Variants in UBR1 observed in about 807,000 individuals in gnomAD.
UBR1 encodes the protein E3 ubiquitin-protein ligase UBR1.
UBR1 carries 102 observed loss-of-function variants against 242.1 expected under a neutral mutation model. That is an observed-to-expected ratio of 0.42 (90% CI 0.36 to 0.50). UBR1 has a LOEUF of 0.50. UBR1 is among the 20% of genes least tolerant of loss of function. UBR1 has a pLI of 0.01. For missense variants in UBR1, 1,772 were observed against 2,101.8 expected, an observed-to-expected ratio of 0.84 and a Z score of 3.07; for synonymous variants, 675 against 684.8, an observed-to-expected ratio of 0.99 and a Z score of 0.22.
At chr15:43,089,267 C>T (rs915578821) in intron 1 of UBR1, among the ~76,000 whole-genome samples, 2 of 151,980 alleles carry the variant, frequency 1.3e-5, no homozygotes, top group African/African-American at 2.4e-5. Flanking sequence ...CCGAGAAGGG[C>T]GGATTACGAG....
chr15:43,040,604 C>T (rs763915983), intron 15 of UBR1, among the ~76,000 whole-genome samples: 7 of 152,020 alleles, frequency 4.6e-5, no homozygotes, highest in Non-Finnish European at 7.4e-5. Context: ...CAAATGGGAT[C>T]CAATTAAAGA....
intron 15 of UBR1, 96 bp from the exon 16 acceptor site, chr15:43,038,328 G>A: frequency 8.0e-7 from 1 of 1,257,200 alleles, no homozygotes; most frequent in East Asian, 2.4e-5. Context: ...ATTTGATTTG[G>A]CTGGGCGCGG....
In UBR1 at chr15:42,998,176, T is replaced by C. The variant is rs1205633763; in HGVS notation, c.3749A>G (p.His1250Arg). 3 of 1,613,162 alleles carry C rather than the reference T, an allele frequency of 1.9e-6. No homozygotes were observed. Among genetic ancestry groups the C allele is most frequent in the East Asian group, 2.2e-5 (1 of 44,854 alleles). The change falls in exon 33 of 47, where the codon CAT (histidine) becomes CGT (arginine). Residue 1250 changes from histidine to arginine, a missense_variant. By Grantham distance (29) the His-to-Arg change is conservative. Around this residue, in one of 3 missense-constraint regions of UBR1, gnomAD observed 965 missense variants for 1,079.7 expected, o/e 0.89. Transcript: ENST00000290650. Reference sequence around the variant, plus strand: ...AATAAATTTAAGCAAACCTTTAGCATGTCTTATATTATAACCTGATATTCT... The same window carrying C: ...AATAAATTTAAGCAAACCTTTAGCACGTCTTATATTATAACCTGATATTCT... ...LARISGYNIR[H>R]AKGENPIPIF...
chr15:43,029,848 T>A (rs2033231244), intron 21 of UBR1, 96 bp downstream of exon 21: 1 of 1,476,686 alleles, frequency 6.8e-7, no homozygotes, highest in African/African-American at 1.4e-5. Flanking sequence ...GATATAGGAC[T>A]TTTTGCCTAA....
chr15:42,961,158 A>C (rs1409075440), intron 42 of UBR1, among the ~76,000 whole-genome samples: 1 of 138,886 alleles, frequency 7.2e-6, no homozygotes, highest in Non-Finnish European at 1.5e-5. Flanking sequence ...CTTGTCGCCC[A>C]GGCTGGAGTG....
chr15:42,978,491 C>T (rs972226705), intron 37 of UBR1, among the ~76,000 whole-genome samples: 4 of 152,050 alleles, frequency 2.6e-5, no homozygotes, highest in East Asian at 3.8e-4. Context: ...TAATCTGGTC[C>T]GTGCCTAAGG....
intron 33 of UBR1, among the ~76,000 whole-genome samples, chr15:42,990,772 T>C (rs947865502): frequency 2.0e-5 from 3 of 152,232 alleles, no homozygotes; most frequent in African/African-American, 7.2e-5. Context: ...AGGCAGCATA[T>C]GTTAGTGAAT....
intron 33 of UBR1, among the ~76,000 whole-genome samples, chr15:42,995,142 C>T (rs1429881010): frequency 6.6e-6 from 1 of 152,054 alleles, no homozygotes. Context: ...CTACTTAATG[C>T]CATGTTTGAG....
rs2031709041 is a variant in UBR1 at position 42,945,017 on chromosome 15, A to G, written c.*312T>C. The G allele has an allele frequency of 5.4e-6, 2 of 368,450 alleles. No individual in the cohort carries two copies. Among genetic ancestry groups the G allele is most frequent in the Non-Finnish European group, 1.0e-5 (2 of 192,684 alleles). The allele number at this position is 368,450 out of a possible 1,614,324, so 22.8% of individuals were successfully genotyped here. A position where few individuals can be genotyped will look rare whatever the true frequency, so the allele number is the denominator to read the frequency against. ...GAGTTAACCAACATATAAAATGTCTACAACTGTTTGACGTGACTTCATCTA... is the reference window on the plus strand; with the variant it reads ...GAGTTAACCAACATATAAAATGTCTGCAACTGTTTGACGTGACTTCATCTA... On this transcript the variant is annotated 3_prime_UTR_variant, in exon 47 of 47. Transcript: ENST00000290650.
intron 3 of UBR1, among the ~76,000 whole-genome samples, chr15:43,076,982 T>G: frequency 2.5e-5 from 2 of 79,860 alleles, no homozygotes; most frequent in African/African-American, 4.6e-5. Context: ...TACTGGGAAG[T>G]GAGGAGCCCC....
intron 1 of UBR1, 105 bp from the exon 2 acceptor site, chr15:43,086,345 T>C (rs1016011912): frequency 1.7e-5 from 24 of 1,386,828 alleles, no homozygotes; most frequent in Middle Eastern, 2.0e-4. Context: ...TAATTTACAG[T>C]ATATTTCATC....
At chr15:43,003,531 C>T in intron 31 of UBR1, 1 of 376,406 alleles carries the variant, frequency 2.7e-6, no homozygotes, top group Non-Finnish European at 5.1e-6. Flanking sequence ...GCTGAGATTA[C>T]AGGTGTGAGC....
chr15:42,966,524 C>A (rs1036778654), intron 40 of UBR1, among the ~76,000 whole-genome samples: 2 of 151,984 alleles, frequency 1.3e-5, no homozygotes, highest in Admixed American at 6.6e-5. Context: ...CCAGTCTCTA[C>A]TGAATTAGCC....
In UBR1 at chr15:43,054,964, C is replaced by A. The variant is rs1253421947; in HGVS notation, c.1282-65G>T. The A allele has an allele frequency of 1.9e-6, 3 of 1,556,574 alleles. No homozygotes were observed. In the Admixed American group the frequency reaches 5.1e-5, roughly 27 times the overall value. On this transcript the variant is annotated intron_variant, in intron 11 of 46. Transcript: ENST00000290650. ...CATTGTGGTATGGACTTAATTTATT[C>A]ATTCATTTGGTTAGTCAGTATGTCA...
intron 1 of UBR1, among the ~76,000 whole-genome samples, chr15:43,094,530 T>C (rs2034138054): frequency 6.6e-6 from 1 of 151,966 alleles, no homozygotes; most frequent in African/African-American, 2.4e-5. Context: ...TTTTATTTTC[T>C]TTTTTATATA....
Position 43,057,514 on chromosome 15 carries a change from C to A in UBR1, c.1182+827G>T, listed in dbSNP as rs555803289. ...TCAAAGGAGTCCTTGATCTGTATACCCTTGCAATCTAATTTGGTAGATAGA... is the reference window on the plus strand; with the variant it reads ...TCAAAGGAGTCCTTGATCTGTATACACTTGCAATCTAATTTGGTAGATAGA... On this transcript the variant is annotated intron_variant, in intron 10 of 46. Coordinates refer to ENST00000290650, the MANE Select transcript of UBR1 (RefSeq NM_174916.3). Among the ~76,000 whole-genome samples, 8 of 152,134 alleles carry A rather than the reference C, an allele frequency of 5.3e-5. No individual in the cohort carries two copies. In the South Asian group the frequency reaches 1.7e-3, roughly 32 times the overall value.
intron 37 of UBR1, among the ~76,000 whole-genome samples, chr15:42,981,590 C>T (rs1452755156): frequency 3.9e-5 from 6 of 152,082 alleles, no homozygotes; most frequent in African/African-American, 1.2e-4. Flanking sequence ...CCTGGGTTCA[C>T]GCCATTCTCC....
chr15:43,015,994 C>T lies in UBR1; in HGVS notation c.3028-125G>A, dbSNP rs116298827. ...CTGATTACCCCTTACATCCTGGATTCAGTTTAATGTTTCAAAATTAGCATT... is the reference window on the plus strand; with the variant it reads ...CTGATTACCCCTTACATCCTGGATTTAGTTTAATGTTTCAAAATTAGCATT... On this transcript the variant is annotated intron_variant, in intron 28 of 46. Transcript: ENST00000290650. 2,216 of 806,504 alleles carry T rather than the reference C, an allele frequency of 2.7e-3. 23 individuals carry two copies. The highest frequency in any genetic ancestry group is 0.026 in the African/African-American group (1,526 of 57,598). The allele number at this position is 806,504 out of a possible 1,614,324, so 50.0% of individuals were successfully genotyped here. A position where few individuals can be genotyped will look rare whatever the true frequency, so the allele number is the denominator to read the frequency against.
chr15:43,101,207 G>A (rs953172437), intron 1 of UBR1, among the ~76,000 whole-genome samples: 9 of 152,188 alleles, frequency 5.9e-5, no homozygotes, highest in Admixed American at 5.9e-4. Context: ...AAGTCTTGAA[G>A]GCTTGTAATG....
Sources: gnomAD v4.1 joint callset for allele counts (sites outside exome capture counted in the v4.1 genomes callset) on GRCh38, gnomAD v4.1.1 for gene constraint, gnomAD v4.1.1 regional missense constraint, MANE v1.5 for transcripts, NCBI Gene and HGNC (gene_info 2026-07-23, HGNC 2026-07-21) for gene names.